The following SMOC2 variants were observed in gnomAD, a reference collection of about 807,000 sequenced individuals.
The protein encoded by SMOC2 is SPARC related modular calcium binding 2, also known as SPARC-related modular calcium-binding protein 2.
Under a neutral mutation model 61.4 loss-of-function variants are expected in SMOC2, and 39 were observed. The ratio of observed to expected loss-of-function variants is 0.64; its 90% CI spans 0.49 to 0.83. The LOEUF is 0.83. Among genes scored for constraint, SMOC2 ranks in the 40% least tolerant of loss-of-function variants. SMOC2 has a pLI of 0.00. For synonymous variants in SMOC2, 247 were observed against 239.9 expected (o/e 1.03, Z -0.27); for missense variants, 556 against 592.9 (o/e 0.94, Z 0.65).
At chr6:168,558,113 A>G (rs1035893791) in intron 7 of SMOC2, among the ~76,000 whole-genome samples, 22 of 152,138 alleles carry the variant, frequency 1.4e-4, no homozygotes, top group Admixed American at 6.5e-4. Flanking sequence ...AAGCGATCTC[A>G]TGGTAAACAG....
chr6:168,470,739 A>T (rs1172313458), intron 1 of SMOC2, among the ~76,000 whole-genome samples: 1 of 152,142 alleles, frequency 6.6e-6, no homozygotes, highest in Non-Finnish European at 1.5e-5. Context: ...ATCCTGTGAC[A>T]TTACTTTGTT....
At chr6:168,482,045 A>G (rs1782218210) in intron 1 of SMOC2, among the ~76,000 whole-genome samples, 1 of 151,896 alleles carries the variant, frequency 6.6e-6, no homozygotes, top group Non-Finnish European at 1.5e-5. Flanking sequence ...AGATGAAGAC[A>G]GAGATGAATG....
At chr6:168,448,181 C>T (rs1171619427) in intron 1 of SMOC2, among the ~76,000 whole-genome samples, 1 of 152,190 alleles carries the variant, frequency 6.6e-6, no homozygotes, top group Non-Finnish European at 1.5e-5. Flanking sequence ...GAGCAAAATC[C>T]TCCCACAGAA....
At chr6:168,511,849 A>T (rs1027199835) in intron 2 of SMOC2, among the ~76,000 whole-genome samples, 29 of 124,962 alleles carry the variant, frequency 2.3e-4, no homozygotes, top group Admixed American at 2.2e-3. Context: ...CAGTTTGTTC[A>T]AAGTCAGAGT....
At chr6:168,468,897 G>C (rs943351173) in intron 1 of SMOC2, among the ~76,000 whole-genome samples, 2 of 152,178 alleles carry the variant, frequency 1.3e-5, no homozygotes, top group Admixed American at 6.5e-5. Flanking sequence ...TTAAATAGTG[G>C]TTTAATACGT....
intron 9 of SMOC2, among the ~76,000 whole-genome samples, chr6:168,614,984 C>T (rs868149697): frequency 1.0e-4 from 3 of 29,842 alleles, no homozygotes; most frequent in Non-Finnish European, 6.8e-5. Context: ...GGCCTCTTCA[C>T]ACCTACAGCC....
At chr6:168,539,132 T>G (rs1783818901) in intron 4 of SMOC2, among the ~76,000 whole-genome samples, 1 of 152,164 alleles carries the variant, frequency 6.6e-6, no homozygotes, top group South Asian at 2.1e-4. Context: ...CCCCTCTCAG[T>G]CTTCATGCTG....
intron 7 of SMOC2, among the ~76,000 whole-genome samples, chr6:168,597,675 G>A (rs777092631): frequency 6.6e-5 from 10 of 152,234 alleles, no homozygotes; most frequent in Non-Finnish European, 1.3e-4. Context: ...AGCACCATTT[G>A]TGGAAAATCA....
chr6:168,465,386 A>G (rs533961396), intron 1 of SMOC2, among the ~76,000 whole-genome samples: 6 of 152,150 alleles, frequency 3.9e-5, no homozygotes, highest in African/African-American at 7.2e-5. Flanking sequence ...GCTCTTCATG[A>G]AGAGATTTTT....
chr6:168,510,501 CAG>C (rs1782981145), intron 2 of SMOC2, among the ~76,000 whole-genome samples: 1 of 152,128 alleles, frequency 6.6e-6, no homozygotes, highest in South Asian at 2.1e-4. Flanking sequence ...GAATTAGATT[CAG>C]AGTTAAGAGT....
At chr6:168,492,810 T>A (rs533760540) in intron 1 of SMOC2, among the ~76,000 whole-genome samples, 90 of 152,350 alleles carry the variant, frequency 5.9e-4, no homozygotes, top group African/African-American at 2.0e-3. Context: ...AGCAAGACAT[T>A]GCATTTCTCT....
chr6:168,598,674 G>C, intron 7 of SMOC2, 144 bp from the exon 8 acceptor site: 1 of 866,596 alleles, frequency 1.2e-6, no homozygotes, highest in Non-Finnish European at 1.8e-6. Context: ...CTCCTGCTGT[G>C]CCCCCCACGC....
At chr6:168,465,387 A>G (rs1373820510) in intron 1 of SMOC2, among the ~76,000 whole-genome samples, 1 of 152,066 alleles carries the variant, frequency 6.6e-6, no homozygotes, top group East Asian at 1.9e-4. Flanking sequence ...CTCTTCATGA[A>G]GAGATTTTTC....
intron 1 of SMOC2, among the ~76,000 whole-genome samples, chr6:168,456,662 G>T (rs993782171): frequency 6.6e-6 from 1 of 152,088 alleles, no homozygotes; most frequent in African/African-American, 2.4e-5. Context: ...TTCAAAACGC[G>T]CCCCAGGTCA....
intron 7 of SMOC2, among the ~76,000 whole-genome samples, chr6:168,595,581 T>G (rs572492187): frequency 3.9e-5 from 6 of 152,312 alleles, no homozygotes; most frequent in African/African-American, 1.4e-4. Context: ...TTTAAAGATC[T>G]TCTGCCTCCA....
At chr6:168,638,573 T>G (rs188259373) in intron 9 of SMOC2, among the ~76,000 whole-genome samples, 1 of 152,136 alleles carries the variant, frequency 6.6e-6, no homozygotes, top group Non-Finnish European at 1.5e-5. Context: ...GGGCTCCCGC[T>G]CAGAGAGGAG....
intron 7 of SMOC2, among the ~76,000 whole-genome samples, chr6:168,581,875 C>A (rs1784929117): frequency 6.6e-6 from 1 of 152,180 alleles, no homozygotes. Context: ...CCGCCTTCAC[C>A]GCTGACTTCA....
chr6:168,508,816 C>T (rs971508584), intron 1 of SMOC2, among the ~76,000 whole-genome samples: 1 of 152,248 alleles, frequency 6.6e-6, no homozygotes, highest in Non-Finnish European at 1.5e-5. Flanking sequence ...GGGCCACGTA[C>T]TACCATAGCC....
intron 1 of SMOC2, among the ~76,000 whole-genome samples, chr6:168,493,251 G>A (rs945066162): frequency 2.0e-5 from 3 of 152,062 alleles, no homozygotes; most frequent in African/African-American, 4.8e-5. Context: ...TGGTCAGGCT[G>A]GTCTCGAACT....
Sources: gnomAD v4.1 joint callset for allele counts (sites outside exome capture counted in the v4.1 genomes callset) on GRCh38, gnomAD v4.1.1 for gene constraint, MANE v1.5 for transcripts, NCBI Gene and HGNC (gene_info 2026-07-23, HGNC 2026-07-21) for gene names.